HSPG2: variants seen among roughly 807,000 people sequenced by gnomAD.
HSPG2 encodes heparan sulfate proteoglycan 2.
HSPG2 carries 278 observed loss-of-function variants against 526.6 expected under a neutral mutation model. The ratio of observed to expected loss-of-function variants is 0.53; its 90% confidence interval spans 0.48 to 0.58. HSPG2 has a LOEUF of 0.58. Among genes scored for constraint, HSPG2 ranks in the 20% least tolerant of loss-of-function variants. HSPG2 has a pLI of 0.00. For synonymous variants in HSPG2, 2,465 were observed against 2,555.4 expected (o/e 0.96, Z 1.07); for missense variants, 5,354 against 6,099.5 (o/e 0.88, Z 4.07).
chr1:21,923,548 AGGGG>A (rs1432598565), intron 1 of HSPG2, among the ~76,000 whole-genome samples: 1 of 152,274 alleles, frequency 6.6e-6, no homozygotes, highest in Non-Finnish European at 1.5e-5. Flanking sequence ...GCCCTCACCC[AGGGG>A]AGCTGGCTCC....
chr1:21,885,291 C>T (rs1179442118), intron 10 of HSPG2, 29 bp downstream of exon 10: 4 of 1,613,702 alleles, frequency 2.5e-6, no homozygotes, highest in Non-Finnish European at 3.4e-6. Flanking sequence ...AGCCCAGGGC[C>T]CGCATCTCGA....
Position 21,827,477 on chromosome 1 carries a change from G to A in HSPG2, c.12589+386C>T, listed in dbSNP as rs898238522. Among the ~76,000 whole-genome samples, 7 of 152,324 alleles carry A rather than the reference G, an allele frequency of 4.6e-5. 1 individual carries two copies. In the South Asian group the frequency reaches 8.3e-4, roughly 18 times the overall value. On this transcript the variant is annotated intron_variant, in intron 91 of 96. Coordinates refer to ENST00000374695, the MANE Select transcript of HSPG2 (RefSeq NM_005529.7). ...CTGTAAAGGGGTTAGCACAGTGTCC[G>A]TAAACATTCAATCAGCATTCACTCT...
rs757980659 is a variant in HSPG2 at position 21,862,096 on chromosome 1, G to C, written c.4760C>G (p.Ala1587Gly). 2 of 1,613,406 alleles carry C rather than the reference G, an allele frequency of 1.2e-6. No homozygotes were observed. The highest frequency in any genetic ancestry group is 1.1e-5 in the South Asian group (1 of 91,088). ...GGCACAAAGCTCGCAGAACTCCCCT[G>C]CGGCGTTGTGCTGGCATTGCTGCAG... ...GACSQCQHNA[A>G]GEFCELCAPG... is the part of the protein sequence containing the mutation. The change falls in exon 38 of 97, where the codon GCA becomes GGA. Residue 1587 changes from alanine to glycine, a missense_variant. By Grantham distance (60) the Ala-to-Gly change is moderately conservative (BLOSUM62 0). Transcript: ENST00000374695.
In HSPG2 at chr1:21,885,379, G is replaced by A; in HGVS notation, c.1151C>T (p.Ala384Val). The change falls in exon 10 of 97, where the codon GCC becomes GTC. Residue 384 changes from alanine (A) to valine (V), a missense_variant. Physicochemically the swap from Ala to Val is moderately conservative, Grantham distance 64 (BLOSUM62 0). Coordinates refer to ENST00000374695, the MANE Select transcript of HSPG2 (RefSeq NM_005529.7). ...GCTCTCCTCGTCACAGTGGAAGCTG[G>A]CTGGGATGCACATGTTGGTAGAGAC... ...RCVSTNMCIP[A>V]SFHCDEESDC... 1 of 1,614,096 alleles carries A rather than the reference G, an allele frequency of 6.2e-7. No individual in the cohort carries two copies. The highest frequency in any genetic ancestry group is 1.1e-5 in the South Asian group (1 of 91,080).
intron 21 of HSPG2, 92 bp downstream of exon 21, chr1:21,878,094 G>T: frequency 8.3e-7 from 1 of 1,200,674 alleles, no homozygotes; most frequent in South Asian, 1.3e-5. Flanking sequence ...ACTGGCCAAG[G>T]ATCTATGGAG....
chr1:21,870,450 C>A (rs1364548136), intron 33 of HSPG2: 4 of 236,232 alleles, frequency 1.7e-5, no homozygotes, highest in Non-Finnish European at 2.8e-5. Context: ...CATGCCCCCC[C>A]TCTCCAGGCT....
chr1:21,855,036 G>A, intron 47 of HSPG2, 53 bp from the exon 48 acceptor site: 1 of 1,599,872 alleles, frequency 6.3e-7, no homozygotes, highest in Non-Finnish European at 8.5e-7. Context: ...ACAACGGCTG[G>A]CCAGGGGGAC....
At chr1:21,875,081 C>T in intron 25 of HSPG2, 79 bp from the exon 26 acceptor site, 1 of 1,009,656 alleles carries the variant, frequency 9.9e-7, no homozygotes, top group South Asian at 1.4e-5. Context: ...CTGGCAGGGT[C>T]TTATTAGTCC....
intron 64 of HSPG2, among the ~76,000 whole-genome samples, chr1:21,845,901 C>G (rs558344251): frequency 6.6e-6 from 1 of 152,310 alleles, no homozygotes; most frequent in Admixed American, 6.5e-5. Flanking sequence ...AGCCTATGCT[C>G]GCAAGCCGTG....
intron 81 of HSPG2, among the ~76,000 whole-genome samples, 157 bp from the exon 82 acceptor site, chr1:21,831,953 G>A (rs1040651522): frequency 6.6e-6 from 1 of 152,104 alleles, no homozygotes; most frequent in East Asian, 1.9e-4. Flanking sequence ...CTGTCTTGTC[G>A]TCCCTCCCCG....
chr1:21,827,769 AGCTGTTTT>A, intron 91 of HSPG2, 86 bp downstream of exon 91: 1 of 1,270,964 alleles, frequency 7.9e-7, no homozygotes, highest in South Asian at 1.3e-5. Flanking sequence ...CCTCATATAA[AGCTGTTTT>A]GCTTGCAGGC....
intron 24 of HSPG2, 54 bp downstream of exon 24, chr1:21,875,809 G>A: frequency 6.2e-7 from 1 of 1,608,728 alleles, no homozygotes; most frequent in South Asian, 1.1e-5. Flanking sequence ...ATGCCGGAGA[G>A]GCAGGAGCAA....
At position 21,834,799 on chromosome 1, in the gene HSPG2, C is replaced by A; in HGVS notation, c.10600G>T (p.Val3534Leu). 1 of 1,614,248 alleles carries A rather than the reference C, an allele frequency of 6.2e-7. No homozygotes were observed. The highest frequency in any genetic ancestry group is 1.6e-4 in the Middle Eastern group (1 of 6,062). Residue 3534 changes from valine (V) to leucine (L), a missense_variant, in exon 77 of 97, where the codon GTG (valine) becomes TTG (leucine). Physicochemically the swap from Val to Leu is conservative, Grantham distance 32 (BLOSUM62 1). Coordinates refer to ENST00000374695, the MANE Select transcript of HSPG2 (RefSeq NM_005529.7). Reference protein sequence around the residue: ...KVGGHLRPGIVQSGGVVRIAH... With the variant: ...KVGGHLRPGILQSGGVVRIAH... ...ATCCTGACGACACCTCCGCTCTGCA[C>A]AATGCCTGGCCGCAGGTGCCCTCCA...
intron 1 of HSPG2, among the ~76,000 whole-genome samples, chr1:21,925,212 T>C (rs563844778): frequency 7.9e-5 from 12 of 152,316 alleles, no homozygotes; most frequent in Admixed American, 2.6e-4. Flanking sequence ...ATGAGCGCGA[T>C]GTCAGGCGCA....
chr1:21,864,749 T>A lies in HSPG2; in HGVS notation c.4626+94A>T. 9.8e-7 allele frequency: 1 copy of A among 1,018,584 alleles called. No individual in the cohort carries two copies. The highest frequency in any genetic ancestry group is 1.4e-5 in the South Asian group (1 of 73,658). The allele number at this position is 1,018,584 out of a possible 1,614,324, so 63.1% of individuals were successfully genotyped here. A position where few individuals can be genotyped will look rare whatever the true frequency, so the allele number is the denominator to read the frequency against. ...GCCCAGATGCAGGGGTCATTATAGT[T>A]ATGATGGTAATCAAGGCTGCGGCGA... On this transcript the variant is annotated intron_variant, in intron 36 of 96. Coordinates refer to ENST00000374695, the MANE Select transcript of HSPG2 (RefSeq NM_005529.7). This position sits in a 1 kb window ranked among gnomAD's most constrained non-coding sequence, Gnocchi z 4.8.
intron 25 of HSPG2, 88 bp downstream of exon 25, chr1:21,875,541 A>C: frequency 1.0e-6 from 1 of 964,042 alleles, no homozygotes; most frequent in East Asian, 2.4e-5. Flanking sequence ...AGGGTCACAC[A>C]GTCTGTAAGT....
chr1:21,857,103 G>T lies in HSPG2; in HGVS notation c.5487C>A (p.Asn1829Lys), dbSNP rs78284745. The T allele has an allele frequency of 1.2e-6, 2 of 1,614,188 alleles. No homozygotes were observed. Among genetic ancestry groups the T allele is most frequent in the East Asian group, 4.5e-5 (2 of 44,878 alleles). The change falls in exon 44 of 97, where the codon AAC becomes AAA. Residue 1829 changes from asparagine (N) to lysine (K), a missense_variant. Coordinates refer to ENST00000374695, the MANE Select transcript of HSPG2 (RefSeq NM_005529.7). ...AGGTGCCTGCATCACTCAGCTGGACGTTGCGAATGGTCAGGATGCCATTGA... is the reference window on the plus strand; with the variant it reads ...AGGTGCCTGCATCACTCAGCTGGACTTTGCGAATGGTCAGGATGCCATTGA... ...MDFNGILTIR[N>K]VQLSDAGTYV...
Position 21,839,548 on chromosome 1 carries a change from T to C in HSPG2, c.9712A>G (p.Ser3238Gly), listed in dbSNP as rs974133064. The stretch of plus-strand genomic sequence containing the variant: ...GACCAGTGGATGGTGGGCGCGGGGC[T>C]GCCTGTGGAGTCGAGTGGAAGATGA... ...TATLRCSATG[S>G]PAPTIHWSKL... The change falls in exon 73 of 97, where the codon AGC becomes GGC. Residue 3238 changes from serine to glycine, a missense_variant and splice_region_variant. Coordinates refer to ENST00000374695, the MANE Select transcript of HSPG2 (RefSeq NM_005529.7). The surrounding 1 kb of genome is among the most constrained non-coding windows in gnomAD (Gnocchi z 4.5). The C allele has an allele frequency of 5.6e-6, 9 of 1,613,746 alleles. No homozygotes were observed. Among genetic ancestry groups the C allele is most frequent in the Non-Finnish European group, 7.6e-6 (9 of 1,179,950 alleles).
At chr1:21,852,571 T>G in intron 52 of HSPG2, 129 bp downstream of exon 52, 2 of 1,318,924 alleles carry the variant, frequency 1.5e-6, no homozygotes, top group Non-Finnish European at 2.2e-6. Flanking sequence ...GGAGTCGGCC[T>G]GGGCAGGGCC....
Sources: allele counts gnomAD v4.1 joint callset (sites outside exome capture counted in the v4.1 genomes callset), GRCh38; gene constraint gnomAD v4.1.1; non-coding constraint Gnocchi (gnomAD v3.1); transcripts MANE v1.5; gene names NCBI Gene and HGNC (gene_info 2026-07-23, HGNC 2026-07-21).